Variants in CDH10 observed in about 807,000 individuals in gnomAD.
The protein encoded by CDH10 is cadherin 10, also known as cadherin-10.
Under a neutral mutation model 73.1 loss-of-function variants are expected in CDH10, and 30 were observed. The observed-to-expected ratio is 0.41, with a 90% confidence interval of 0.31 to 0.56. The LOEUF is 0.56. CDH10 is among the 20% of genes least tolerant of loss of function. CDH10 has a pLI of 0.27. For missense variants in CDH10, 815 were observed against 973.7 expected, an observed-to-expected ratio of 0.84 and a Z score of 2.17; for synonymous variants, 345 against 348.2, an observed-to-expected ratio of 0.99 and a Z score of 0.10.
chr5:24,554,812 T>C (rs1019714019), intron 2 of CDH10, among the ~76,000 whole-genome samples: 4 of 152,122 alleles, frequency 2.6e-5, no homozygotes, highest in African/African-American at 9.6e-5. Flanking sequence ...TGTGGTAATA[T>C]ATCATCAAGT....
At chr5:24,585,743 A>AT (rs1322861509) in intron 2 of CDH10, among the ~76,000 whole-genome samples, 7 of 152,016 alleles carry the variant, frequency 4.6e-5, no homozygotes, top group Admixed American at 2.6e-4. Flanking sequence ...TTTTTCTTGG[A>AT]TTTTCTCTAC....
intron 8 of CDH10, among the ~76,000 whole-genome samples, chr5:24,504,501 T>C (rs1742611632): frequency 7.4e-6 from 1 of 135,542 alleles, no homozygotes; most frequent in South Asian, 2.4e-4. Flanking sequence ...TTTTCTCCTA[T>C]TAATCTTTTT....
chr5:24,623,982 T>C (rs556003750), intron 1 of CDH10, among the ~76,000 whole-genome samples: 7 of 152,150 alleles, frequency 4.6e-5, no homozygotes, highest in Non-Finnish European at 8.8e-5. Flanking sequence ...CTGTAACATT[T>C]CTATACTATC....
At chr5:24,528,686 C>A (rs1457686341) in intron 5 of CDH10, among the ~76,000 whole-genome samples, 1 of 151,998 alleles carries the variant, frequency 6.6e-6, no homozygotes, top group Non-Finnish European at 1.5e-5. Flanking sequence ...TATCAACATG[C>A]ATACACATTT....
chr5:24,609,768 T>C (rs1746882764), intron 1 of CDH10: 1 of 152,400 alleles, frequency 6.6e-6, no homozygotes, highest in Admixed American at 6.5e-5. Context: ...AGATCTCTCC[T>C]ATACCTTTTC....
chr5:24,565,003 C>T (rs1299053406), intron 2 of CDH10, among the ~76,000 whole-genome samples: 1 of 152,156 alleles, frequency 6.6e-6, no homozygotes, highest in Non-Finnish European at 1.5e-5. Flanking sequence ...AATCCCTGTA[C>T]AGTAAATTTC....
chr5:24,565,661 G>C (rs992329874), intron 2 of CDH10, among the ~76,000 whole-genome samples: 1 of 152,180 alleles, frequency 6.6e-6, no homozygotes, highest in East Asian at 1.9e-4. Flanking sequence ...AAGTAATTGA[G>C]GTTAAATGAG....
intron 2 of CDH10, among the ~76,000 whole-genome samples, chr5:24,575,858 T>C (rs1745581114): frequency 1.3e-5 from 2 of 152,166 alleles, no homozygotes; most frequent in South Asian, 4.1e-4. Context: ...TTTGAATAGG[T>C]TTCTATTGTA....
At chr5:24,637,847 G>C (rs1747917232) in intron 1 of CDH10, among the ~76,000 whole-genome samples, 1 of 151,740 alleles carries the variant, frequency 6.6e-6, no homozygotes, top group South Asian at 2.1e-4. Flanking sequence ...GGTGTTTCTG[G>C]AAACAGCGGT....
At chr5:24,529,628 A>G (rs1743655385) in intron 5 of CDH10, among the ~76,000 whole-genome samples, 3 of 152,028 alleles carry the variant, frequency 2.0e-5, no homozygotes, top group Admixed American at 2.0e-4. Context: ...TACATAATAA[A>G]TATCATATCA....
chr5:24,569,203 C>A (rs536965881), intron 2 of CDH10, among the ~76,000 whole-genome samples: 1 of 151,810 alleles, frequency 6.6e-6, no homozygotes, highest in Non-Finnish European at 1.5e-5. Flanking sequence ...TTAGAATAAG[C>A]AAATTTATAG....
At chr5:24,588,116 C>T (rs1746083929) in intron 2 of CDH10, among the ~76,000 whole-genome samples, 1 of 152,106 alleles carries the variant, frequency 6.6e-6, no homozygotes, top group African/African-American at 2.4e-5. Context: ...TGTCTATATT[C>T]ATGCAAATGT....
chr5:24,498,651 GC>G (rs1742379849), intron 8 of CDH10, 132 bp from the exon 9 acceptor site: 1 of 612,436 alleles, frequency 1.6e-6, no homozygotes, highest in Admixed American at 2.8e-5. Flanking sequence ...AATATAATGA[GC>G]AAATGCAATA....
intron 1 of CDH10, among the ~76,000 whole-genome samples, chr5:24,631,587 G>A (rs1747707462): frequency 6.6e-6 from 1 of 151,928 alleles, no homozygotes; most frequent in Non-Finnish European, 1.5e-5. Flanking sequence ...CACCTTTCAA[G>A]TCCCTCTTCA....
chr5:24,535,866 G>C, intron 3 of CDH10, 44 bp from the exon 4 acceptor site: 1 of 1,468,050 alleles, frequency 6.8e-7, no homozygotes, highest in East Asian at 2.3e-5. Flanking sequence ...GTACCAGAAG[G>C]AGGAGCAAAA....
chr5:24,548,384 A>G (rs936559164), intron 2 of CDH10, among the ~76,000 whole-genome samples: 1 of 151,130 alleles, frequency 6.6e-6, no homozygotes, highest in Admixed American at 6.6e-5. Flanking sequence ...GCCTCCCAAA[A>G]TGCTGGGATT....
intron 5 of CDH10, among the ~76,000 whole-genome samples, chr5:24,520,178 A>C (rs1016056201): frequency 6.6e-6 from 1 of 152,242 alleles, no homozygotes; most frequent in Non-Finnish European, 1.5e-5. Context: ...GACATAGGTC[A>C]TATAGAATTA....
intron 2 of CDH10, chr5:24,554,084 A>T (rs1429916089): frequency 5.0e-5 from 5 of 99,806 alleles, no homozygotes; most frequent in African/African-American, 1.2e-4. Flanking sequence ...GAGAGGAGAG[A>T]CAGAGAGAGA....
At position 24,535,842 on chromosome 5, in the gene CDH10, C is replaced by T. The variant is rs757183941; in HGVS notation, c.527-20G>A. The T allele has an allele frequency of 1.8e-5, 29 of 1,598,638 alleles. No homozygotes were observed. Among genetic ancestry groups the T allele is most frequent in the Non-Finnish European group, 2.2e-5 (26 of 1,170,208 alleles). On this transcript the variant is annotated intron_variant, in intron 3 of 11. Coordinates refer to ENST00000264463, the MANE Select transcript of CDH10 (RefSeq NM_006727.5). ...AAGTACCTGAAGTATCCAAATTCAG[C>T]TTAGTTCTGCACAGTACCAGAAGGA...
Sources: allele counts gnomAD v4.1 joint callset (sites outside exome capture counted in the v4.1 genomes callset), GRCh38; gene constraint gnomAD v4.1.1; transcripts MANE v1.5; gene names NCBI Gene and HGNC (gene_info 2026-07-23, HGNC 2026-07-21).